CBR4: variants seen among roughly 807,000 people sequenced by gnomAD.
CBR4 encodes the protein 3-oxoacyl-[acyl-carrier-protein] reductase.
CBR4 carries 22 observed loss-of-function variants against 21.0 expected under a neutral mutation model. The observed-to-expected ratio is 1.05, with a 90% CI of 0.75 to 1.50. The LOEUF (loss-of-function observed/expected upper bound fraction) is 1.50. Ranked by LOEUF, CBR4 falls within the 40% of genes most tolerant of loss-of-function variation. The pLI is 0.00. For synonymous variants in CBR4, 100 were observed against 104.4 expected (o/e 0.96, Z 0.26); for missense variants, 302 against 286.3 (o/e 1.05, Z -0.40).
chr4:168,908,321 T>C (rs1256843850), intron 2 of CBR4, among the ~76,000 whole-genome samples: 1 of 152,214 alleles, frequency 6.6e-6, no homozygotes, highest in African/African-American at 2.4e-5. Context: ...CACACCATTT[T>C]TCTACCTAAC....
chr4:168,967,684 C>A (rs954434289), intron 2 of CBR4, among the ~76,000 whole-genome samples: 1 of 152,080 alleles, frequency 6.6e-6, no homozygotes, highest in Non-Finnish European at 1.5e-5. Flanking sequence ...ACACTAAAAG[C>A]CATTCAGTCT....
At chr4:169,002,364 T>C (rs1730526590) in intron 3 of CBR4, among the ~76,000 whole-genome samples, 159 bp from the exon 4 acceptor site, 1 of 152,240 alleles carries the variant, frequency 6.6e-6, no homozygotes, top group South Asian at 2.1e-4. Flanking sequence ...ATCAGTCATT[T>C]ACGGAAGATT....
At chr4:168,925,338 G>A in intron 2 of CBR4, 2 of 1,298,520 alleles carry the variant, frequency 1.5e-6, no homozygotes, top group Non-Finnish European at 2.2e-6. Flanking sequence ...TCTTACATTG[G>A]CTAGTTAGTT....
chr4:169,002,156 G>A lies in CBR4; in HGVS notation c.450C>T (p.Ala150=), dbSNP rs762713175. 6.3e-7 allele frequency: 1 copy of A among 1,579,702 alleles called. No individual in the cohort carries two copies. The change falls in exon 4 of 5, where the codon GCC becomes GCT. Residue 150 remains alanine, a synonymous_variant. Coordinates refer to ENST00000306193, the MANE Select transcript of CBR4 (RefSeq NM_032783.5). ...KGNSGQSVYS[A]SKGGLVGFSR... is the part of the protein sequence containing the mutation. ...AAAATCCAACTAATCCTCCTTTACT[G>A]GCACTGTAAACGGACTGGCCAGAGT...
intron 2 of CBR4, among the ~76,000 whole-genome samples, chr4:168,920,871 G>C (rs1264066530): frequency 6.6e-6 from 1 of 152,132 alleles, no homozygotes; most frequent in Non-Finnish European, 1.5e-5. Context: ...TGCCAGCTGA[G>C]TATTTGTTAT....
Position 169,010,188 on chromosome 4 carries a change from A to C in CBR4, c.-99T>G. ...CAACCGCGGTTCCAAAAAAAAAAAA[A>C]AGAAAAAAAAAGGCAAACCGCAAAA... On this transcript the variant is annotated 5_prime_UTR_variant, in exon 1 of 5. Transcript: ENST00000306193. 1 of 1,071,292 alleles carries C rather than the reference A, an allele frequency of 9.3e-7. No homozygotes were observed. Among genetic ancestry groups the C allele is most frequent in the South Asian group, 1.8e-5 (1 of 56,006 alleles). The allele number at this position is 1,071,292 out of a possible 1,614,324, so 66.4% of individuals were successfully genotyped here. A position where few individuals can be genotyped will look rare whatever the true frequency, so the allele number is the denominator to read the frequency against.
chr4:168,994,100 A>G (rs565441817), intron 4 of CBR4, among the ~76,000 whole-genome samples: 1 of 152,328 alleles, frequency 6.6e-6, no homozygotes, highest in South Asian at 2.1e-4. Context: ...GAGAGCCTCA[A>G]ACAGACATTC....
chr4:168,935,304 G>A (rs1171595634), intron 2 of CBR4, among the ~76,000 whole-genome samples: 4 of 152,180 alleles, frequency 2.6e-5, no homozygotes, highest in Non-Finnish European at 5.9e-5. Flanking sequence ...GTGCCACCAA[G>A]GCCCTGAGTT....
intron 2 of CBR4, among the ~76,000 whole-genome samples, chr4:168,967,330 G>C (rs1764071947): frequency 6.6e-6 from 1 of 152,036 alleles, no homozygotes; most frequent in Admixed American, 6.6e-5. Flanking sequence ...CACAGGGCGG[G>C]GAACATTACA....
chr4:168,896,195 C>G (rs531879815), intron 2 of CBR4, among the ~76,000 whole-genome samples: 2 of 138,820 alleles, frequency 1.4e-5, no homozygotes, highest in South Asian at 4.9e-4. Context: ...GGTGACAGAG[C>G]GAGACTCCAT....
At chr4:168,931,542 C>T (rs1762970123) in intron 2 of CBR4, among the ~76,000 whole-genome samples, 1 of 152,054 alleles carries the variant, frequency 6.6e-6, no homozygotes, top group Admixed American at 6.5e-5. Context: ...CATGGACACA[C>T]CCCCTGGCTG....
chr4:168,919,662 C>T (rs1453946742), intron 2 of CBR4, among the ~76,000 whole-genome samples: 6 of 152,120 alleles, frequency 3.9e-5, no homozygotes, highest in Non-Finnish European at 8.8e-5. Flanking sequence ...GCTTTTCCTC[C>T]AAAAAGCCCC....
At chr4:168,965,892 T>C (rs941281262) in intron 2 of CBR4, among the ~76,000 whole-genome samples, 2 of 152,114 alleles carry the variant, frequency 1.3e-5, no homozygotes, top group Non-Finnish European at 2.9e-5. Flanking sequence ...AAAGCCAAAA[T>C]AGACAAATGG....
Position 168,990,312 on chromosome 4 carries a change from A to T in CBR4, c.552T>A (p.Asp184Glu). 4 of 1,609,496 alleles carry T rather than the reference A, an allele frequency of 2.5e-6. No individual in the cohort carries two copies. In the South Asian group the frequency reaches 4.4e-5, roughly 18 times the overall value. The change falls in exon 5 of 5, where the codon GAT (aspartate) becomes GAA (glutamate). Residue 184 changes from aspartate to glutamate, a missense_variant. Coordinates refer to ENST00000306193, the MANE Select transcript of CBR4 (RefSeq NM_032783.5). ...NVVAPGFVHT[D>E]MTKDLKEEHL... ...GTTCTTCTTTCAAGTCTTTCGTCAT[A>T]TCTGTGTGTACAAATCCTAAAAGAG...
At chr4:168,963,854 T>C (rs1338148901) in intron 2 of CBR4, among the ~76,000 whole-genome samples, 5 of 152,140 alleles carry the variant, frequency 3.3e-5, no homozygotes, top group African/African-American at 1.2e-4. Flanking sequence ...AAAAAGCGCC[T>C]ATGGGAGTAT....
intron 2 of CBR4, among the ~76,000 whole-genome samples, chr4:168,953,418 T>C (rs747534734): frequency 1.7e-4 from 26 of 152,152 alleles, no homozygotes; most frequent in Middle Eastern, 3.4e-3. Flanking sequence ...TTCACTCTGA[T>C]CTGCATTTTT....
chr4:169,009,468 G>C (rs1731208403), intron 1 of CBR4, among the ~76,000 whole-genome samples: 1 of 152,246 alleles, frequency 6.6e-6, no homozygotes, highest in African/African-American at 2.4e-5. Flanking sequence ...GCAGGGCCAA[G>C]GCACGGCCCT....
At chr4:168,904,032 A>G (rs1322062997) in intron 2 of CBR4, 2 of 925,958 alleles carry the variant, frequency 2.2e-6, no homozygotes, top group East Asian at 4.9e-5. Context: ...ATTTTTCCAA[A>G]TTCTACATCC....
intron 2 of CBR4, among the ~76,000 whole-genome samples, chr4:168,918,336 A>G (rs1263744616): frequency 6.6e-6 from 1 of 151,392 alleles, no homozygotes; most frequent in African/African-American, 2.4e-5. Flanking sequence ...ATATATATAT[A>G]TATACATACA....
Sources: gnomAD v4.1 joint callset for allele counts (sites outside exome capture counted in the v4.1 genomes callset) on GRCh38, gnomAD v4.1.1 for gene constraint, MANE v1.5 for transcripts, NCBI Gene and HGNC (gene_info 2026-07-23, HGNC 2026-07-21) for gene names.